Variants in SPAG9 observed in about 807,000 individuals in gnomAD.
SPAG9 encodes C-Jun-amino-terminal kinase-interacting protein 4.
In SPAG9, 35 loss-of-function variants were observed where a neutral mutation model predicts 166.5. The ratio of observed to expected loss-of-function variants is 0.21; its 90% CI spans 0.16 to 0.28. The LOEUF (loss-of-function observed/expected upper bound fraction) is 0.28, where lower values mean the gene tolerates loss of function less well. Ranked by LOEUF, SPAG9 falls within the 10% of genes least tolerant of loss-of-function variation. The probability of loss-of-function intolerance (pLI) is 1.00; values close to 1 mark genes in which losing one functional copy is unlikely to be tolerated. For synonymous variants in SPAG9, 534 were observed against 565.5 expected (o/e 0.94, Z 0.79); for missense variants, 1,235 against 1,603.3 (o/e 0.77, Z 3.92).
intron 1 of SPAG9, among the ~76,000 whole-genome samples, chr17:51,102,380 G>A (rs973857969): frequency 6.6e-5 from 10 of 150,628 alleles, no homozygotes; most frequent in East Asian, 1.9e-4. Flanking sequence ...CTCCAGCCTG[G>A]GTGACAGTGT....
intron 6 of SPAG9, among the ~76,000 whole-genome samples, chr17:51,029,683 A>C (rs934498731): frequency 2.0e-5 from 3 of 152,194 alleles, no homozygotes; most frequent in Non-Finnish European, 4.4e-5. Context: ...ACACTACATA[A>C]TTCTATTTAT....
In SPAG9 at chr17:51,021,183, G is replaced by T. The variant is rs1315493754; in HGVS notation, c.966C>A (p.Ala322=). 2.5e-6 allele frequency: 4 copies of T among 1,613,826 alleles called. No homozygotes were observed. Among genetic ancestry groups the T allele is most frequent in the Non-Finnish European group, 2.5e-6 (3 of 1,179,914 alleles). ...EISKHIEVQV[A]QETRNVSTGS... ...CAGTAGATACATTTCTAGTTTCCTGGGCTACCTGTACTTCAATGTGTTTGC... is the reference window on the plus strand; with the variant it reads ...CAGTAGATACATTTCTAGTTTCCTGTGCTACCTGTACTTCAATGTGTTTGC... Residue 322 remains alanine, a synonymous_variant, in exon 7 of 30, where the codon GCC becomes GCA. Coordinates refer to ENST00000262013, the MANE Select transcript of SPAG9 (RefSeq NM_001130528.3).
chr17:50,966,453 T>G, intron 29 of SPAG9, 66 bp from the exon 30 acceptor site: 1 of 1,013,670 alleles, frequency 9.9e-7, no homozygotes, highest in Non-Finnish European at 1.6e-6. Flanking sequence ...GTGAGTCAGA[T>G]GTAATGCTCG....
chr17:51,085,811 C>T (rs373136215), intron 1 of SPAG9, among the ~76,000 whole-genome samples: 62 of 151,880 alleles, frequency 4.1e-4, no homozygotes, highest in African/African-American at 1.5e-3. Flanking sequence ...GATCTTATAC[C>T]CAGAAAGATA....
chr17:51,101,068 C>T (rs1473008579), intron 1 of SPAG9, among the ~76,000 whole-genome samples: 2 of 152,064 alleles, frequency 1.3e-5, no homozygotes, highest in African/African-American at 2.4e-5. Flanking sequence ...CCTTATGGGG[C>T]TGGGCATGGT....
intron 14 of SPAG9, among the ~76,000 whole-genome samples, chr17:50,999,285 T>C (rs1241188045): frequency 1.3e-5 from 2 of 152,184 alleles, no homozygotes; most frequent in Non-Finnish European, 2.9e-5. Flanking sequence ...AAATTTCTCA[T>C]CTTCACTTTG....
intron 6 of SPAG9, among the ~76,000 whole-genome samples, chr17:51,026,563 T>C (rs1216175202): frequency 2.0e-5 from 3 of 151,992 alleles, no homozygotes; most frequent in South Asian, 2.1e-4. Flanking sequence ...CTCTTTAAAA[T>C]AGCCCAATGT....
At chr17:51,059,674 C>A (rs1212032697) in intron 2 of SPAG9, among the ~76,000 whole-genome samples, 1 of 151,830 alleles carries the variant, frequency 6.6e-6, no homozygotes, top group Non-Finnish European at 1.5e-5. Context: ...ATCGCTTGAA[C>A]CCAGGAGGCA....
intron 9 of SPAG9, chr17:51,007,769 T>C (rs1384783076): frequency 1.2e-5 from 5 of 420,590 alleles, no homozygotes; most frequent in Non-Finnish European, 2.3e-5. Context: ...AAATTAGACC[T>C]TATTAATAGA....
chr17:51,003,164 A>C (rs568718024), intron 12 of SPAG9, among the ~76,000 whole-genome samples: 33 of 152,146 alleles, frequency 2.2e-4, no homozygotes, highest in African/African-American at 7.9e-4. Context: ...ACTTGAGCCC[A>C]GGAGTTCAAG....
At chr17:51,004,092 C>G (rs1210327339) in intron 12 of SPAG9, among the ~76,000 whole-genome samples, 3 of 152,088 alleles carry the variant, frequency 2.0e-5, no homozygotes, top group Non-Finnish European at 4.4e-5. Context: ...GTCTCCAAGA[C>G]TAAATGTAGT....
chr17:51,118,955 A>G (rs184815522), intron 1 of SPAG9, among the ~76,000 whole-genome samples: 1 of 146,886 alleles, frequency 6.8e-6, no homozygotes, highest in Non-Finnish European at 1.5e-5. Context: ...AATCGCTTGA[A>G]CCCGGCAGGC....
chr17:51,051,645 T>C (rs1598088996), intron 3 of SPAG9, among the ~76,000 whole-genome samples: 1 of 151,958 alleles, frequency 6.6e-6, no homozygotes, highest in Non-Finnish European at 1.5e-5. Flanking sequence ...ACATGAACCC[T>C]GGAGGCGGAG....
chr17:51,104,736 AT>A (rs566952066), intron 1 of SPAG9, among the ~76,000 whole-genome samples: 57 of 152,006 alleles, frequency 3.7e-4, no homozygotes, highest in African/African-American at 1.3e-3. Context: ...GATCGAGACC[AT>A]CCTGGCTAAC....
chr17:51,066,554 C>CAAAAA (rs1297678240), intron 2 of SPAG9, among the ~76,000 whole-genome samples: 1 of 21,332 alleles, frequency 4.7e-5, no homozygotes, highest in African/African-American at 1.7e-4. Flanking sequence ...GACTCTGTCT[C>CAAAAA]AAAAAAAAAA....
chr17:51,021,408 T>C (rs2045931989), intron 6 of SPAG9, 43 bp from the exon 7 acceptor site: 1 of 1,465,116 alleles, frequency 6.8e-7, no homozygotes, highest in Non-Finnish European at 9.3e-7. Context: ...AAATGACGAA[T>C]TTACTCTAAA....
chr17:51,094,743 T>C (rs780887304), intron 1 of SPAG9, among the ~76,000 whole-genome samples: 3 of 152,204 alleles, frequency 2.0e-5, no homozygotes, highest in Admixed American at 6.6e-5. Context: ...GTTCATACAT[T>C]ACATTTGGAT....
At chr17:51,108,248 G>A (rs980816847) in intron 1 of SPAG9, among the ~76,000 whole-genome samples, 12 of 151,844 alleles carry the variant, frequency 7.9e-5, no homozygotes, top group African/African-American at 2.9e-4. Context: ...TTAGCTGGGT[G>A]TGGTGGCAGG....
chr17:51,087,034 T>C (rs1289234923), intron 1 of SPAG9, among the ~76,000 whole-genome samples: 1 of 152,246 alleles, frequency 6.6e-6, no homozygotes, highest in Non-Finnish European at 1.5e-5. Context: ...CACAGGGCAC[T>C]GAAAGCTGAG....
Sources: allele counts gnomAD v4.1 joint callset (sites outside exome capture counted in the v4.1 genomes callset), GRCh38; gene constraint gnomAD v4.1.1; transcripts MANE v1.5; gene names NCBI Gene and HGNC (gene_info 2026-07-23, HGNC 2026-07-21).